Variants in ATF7IP2 observed in about 807,000 individuals in gnomAD.
ATF7IP2 encodes the protein activating transcription factor 7 interacting protein 2.
In ATF7IP2, 42 loss-of-function variants were observed where a neutral mutation model predicts 64.2. The ratio of observed to expected loss-of-function variants is 0.65; its 90% confidence interval spans 0.51 to 0.85. ATF7IP2 has a LOEUF of 0.85. Ranked by LOEUF, ATF7IP2 falls within the 40% of genes least tolerant of loss-of-function variation. The probability of loss-of-function intolerance (pLI) is 0.00; values close to 1 mark genes in which losing one functional copy is unlikely to be tolerated. For synonymous variants in ATF7IP2, 308 were observed against 272.8 expected, an observed-to-expected ratio of 1.13 and a Z score of -1.27; for missense variants, 933 against 784.2, an observed-to-expected ratio of 1.19 and a Z score of -2.27.
chr16:10,464,823 G>T (rs1426245393), intron 9 of ATF7IP2, among the ~76,000 whole-genome samples: 2 of 152,048 alleles, frequency 1.3e-5, no homozygotes, highest in Non-Finnish European at 2.9e-5. Context: ...TTTTGTTGCT[G>T]CTGTTGTTGA....
At position 10,430,840 on chromosome 16, in the gene ATF7IP2, G is replaced by A; in HGVS notation, c.220G>A (p.Ala74Thr). ...CAAATGTAGCCCTTCTGAAAATGGTGCATCCTCATTGGACTCTAATAAAAA... is the reference window on the plus strand; with the variant it reads ...CAAATGTAGCCCTTCTGAAAATGGTACATCCTCATTGGACTCTAATAAAAA... ...ITKCSPSENG[A>T]SSLDSNKNSI... Residue 74 changes from alanine to threonine, a missense_variant, in exon 5 of 14, where the codon GCA (alanine) becomes ACA (threonine). Coordinates refer to ENST00000562102, the MANE Select transcript of ATF7IP2 (RefSeq NM_001393719.1). 2 of 1,613,900 alleles carry A rather than the reference G, an allele frequency of 1.2e-6. No individual in the cohort carries two copies. Among genetic ancestry groups the A allele is most frequent in the Non-Finnish European group, 1.7e-6 (2 of 1,179,830 alleles).
intron 13 of ATF7IP2, 104 bp downstream of exon 13, chr16:10,481,068 A>G: frequency 1.2e-6 from 1 of 809,040 alleles, no homozygotes; most frequent in South Asian, 1.5e-5. Flanking sequence ...AGCTTAGACA[A>G]CAATTTAGTG....
chr16:10,461,366 T>C (rs895844222), intron 9 of ATF7IP2, among the ~76,000 whole-genome samples: 1 of 152,148 alleles, frequency 6.6e-6, no homozygotes, highest in Non-Finnish European at 1.5e-5. Context: ...GGTATATCTA[T>C]TGCATGTTGA....
At chr16:10,460,340 G>C (rs953399889) in intron 9 of ATF7IP2, among the ~76,000 whole-genome samples, 1 of 152,176 alleles carries the variant, frequency 6.6e-6, no homozygotes, top group Admixed American at 6.5e-5. Flanking sequence ...ACTTCAGTCA[G>C]TATCTCAGTG....
intron 9 of ATF7IP2, among the ~76,000 whole-genome samples, chr16:10,458,128 T>C (rs1422242809): frequency 2.0e-5 from 3 of 152,242 alleles, no homozygotes; most frequent in African/African-American, 7.2e-5. Context: ...ACAAGGAGGC[T>C]CTAAAGCAAA....
intron 8 of ATF7IP2, among the ~76,000 whole-genome samples, chr16:10,452,059 A>T (rs1444299321): frequency 6.6e-6 from 1 of 152,110 alleles, no homozygotes; most frequent in Non-Finnish European, 1.5e-5. Context: ...TCCCAAAAAA[A>T]AAAAGTGCTC....
chr16:10,469,025 G>A (rs1183291205), intron 9 of ATF7IP2, among the ~76,000 whole-genome samples: 8 of 152,112 alleles, frequency 5.3e-5, no homozygotes, highest in Admixed American at 5.2e-4. Flanking sequence ...TTGCATGCCA[G>A]AACAAAGTCT....
chr16:10,398,903 C>T (rs978979102), intron 1 of ATF7IP2, among the ~76,000 whole-genome samples: 1 of 152,158 alleles, frequency 6.6e-6, no homozygotes. Flanking sequence ...CACCTGAGGT[C>T]AGGAGTTCAA....
chr16:10,415,928 C>T (rs1209590540), intron 2 of ATF7IP2, among the ~76,000 whole-genome samples: 1 of 152,132 alleles, frequency 6.6e-6, no homozygotes, highest in Non-Finnish European at 1.5e-5. Flanking sequence ...TAAAATAGCT[C>T]TTATTCAAAA....
intron 1 of ATF7IP2, among the ~76,000 whole-genome samples, chr16:10,403,232 C>G (rs1041070820): frequency 6.6e-6 from 1 of 152,122 alleles, no homozygotes; most frequent in Admixed American, 6.5e-5. Flanking sequence ...CACATATGCA[C>G]CAGGCTCAGG....
chr16:10,459,761 C>G (rs73497884), intron 9 of ATF7IP2, among the ~76,000 whole-genome samples: 1 of 152,092 alleles, frequency 6.6e-6, no homozygotes. Flanking sequence ...AAAATAAATT[C>G]GTGGCAAACT....
At chr16:10,475,674 C>CG in intron 12 of ATF7IP2, among the ~76,000 whole-genome samples, 1 of 111,142 alleles carries the variant, frequency 9.0e-6, no homozygotes, top group Non-Finnish European at 1.6e-5. Flanking sequence ...GCCTGGGCAA[C>CG]AGAGCGAAAC....
At chr16:10,433,715 T>C in intron 6 of ATF7IP2, 66 bp downstream of exon 6, 1 of 1,560,300 alleles carries the variant, frequency 6.4e-7, no homozygotes, top group East Asian at 2.3e-5. Context: ...AAGTTAATTA[T>C]CTGGTCCCCA....
intron 9 of ATF7IP2, among the ~76,000 whole-genome samples, chr16:10,463,483 A>G (rs2049441847): frequency 6.6e-6 from 1 of 152,200 alleles, no homozygotes; most frequent in Non-Finnish European, 1.5e-5. Context: ...GCTCTGGAGC[A>G]AGTTAACTGT....
At chr16:10,419,671 C>T (rs1343408525) in intron 3 of ATF7IP2, 48 bp downstream of exon 3, 1 of 153,062 alleles carries the variant, frequency 6.5e-6, no homozygotes, top group Non-Finnish European at 1.5e-5. Flanking sequence ...TTGGGGTCCT[C>T]CTCAGTGTCA....
At chr16:10,420,183 C>G (rs914821298) in intron 3 of ATF7IP2, among the ~76,000 whole-genome samples, 4 of 152,148 alleles carry the variant, frequency 2.6e-5, no homozygotes, top group Non-Finnish European at 5.9e-5. Context: ...TATATATAGC[C>G]TGGGGCATTG....
intron 9 of ATF7IP2, among the ~76,000 whole-genome samples, chr16:10,470,615 T>A (rs1031529167): frequency 1.6e-4 from 25 of 151,732 alleles, no homozygotes; most frequent in African/African-American, 4.1e-4. Flanking sequence ...AAAACATTTT[T>A]AAAAAAATTT....
At chr16:10,443,971 G>A (rs776499699) in intron 8 of ATF7IP2, among the ~76,000 whole-genome samples, 4 of 152,250 alleles carry the variant, frequency 2.6e-5, no homozygotes, top group Middle Eastern at 3.4e-3. Flanking sequence ...CAATAAACAC[G>A]TTCCCAAGAG....
At position 10,425,649 on chromosome 16, in the gene ATF7IP2, T is replaced by A. The variant is rs567988267; in HGVS notation, c.-159-3219T>A. On this transcript the variant is annotated intron_variant, in intron 3 of 13. Coordinates refer to ENST00000562102, the MANE Select transcript of ATF7IP2 (RefSeq NM_001393719.1). ...TGGCTCACATCTGTAATCCCAGCAC[T>A]TTGGGAGGCCGAGGTGGGCACATCA... 4.8e-3 allele frequency among the ~76,000 whole-genome samples: 733 copies of A among 152,188 alleles called. 5 individuals are homozygous for A. The highest frequency in any genetic ancestry group is 0.016 in the African/African-American group (672 of 41,520).
Sources: allele counts gnomAD v4.1 joint callset (sites outside exome capture counted in the v4.1 genomes callset), GRCh38; gene constraint gnomAD v4.1.1; transcripts MANE v1.5; gene names NCBI Gene and HGNC (gene_info 2026-07-23, HGNC 2026-07-21).